The following LRRC4C variants were observed in gnomAD, a reference collection of about 807,000 sequenced individuals.
LRRC4C encodes leucine-rich repeat-containing protein 4C.
Under a neutral mutation model 33.6 loss-of-function variants are expected in LRRC4C, and 5 were observed. That is an observed-to-expected ratio of 0.15 (90% CI 0.08 to 0.31). The LOEUF (loss-of-function observed/expected upper bound fraction) is 0.31, where lower values mean the gene tolerates loss of function less well. Among genes scored for constraint, LRRC4C ranks in the 10% least tolerant of loss-of-function variants. LRRC4C has a pLI of 1.00. For synonymous variants in LRRC4C, 329 were observed against 302.0 expected (o/e 1.09, Z -0.93); for missense variants, 560 against 796.7 (o/e 0.70, Z 3.58).
chr11:40,200,914 G>A (rs564459749), intron 5 of LRRC4C, among the ~76,000 whole-genome samples: 6 of 152,146 alleles, frequency 3.9e-5, no homozygotes, highest in South Asian at 2.1e-4. Flanking sequence ...ACTCCTAAGC[G>A]TCACATCTTT....
At chr11:40,736,004 T>C (rs1488946272) in intron 2 of LRRC4C, among the ~76,000 whole-genome samples, 1 of 138,650 alleles carries the variant, frequency 7.2e-6, no homozygotes, top group Non-Finnish European at 1.6e-5. Flanking sequence ...ATTGATGGGG[T>C]TGTTTTTTTC....
At chr11:40,476,191 G>A (rs1953210959) in intron 3 of LRRC4C, among the ~76,000 whole-genome samples, 2 of 152,068 alleles carry the variant, frequency 1.3e-5, no homozygotes, top group South Asian at 4.1e-4. Flanking sequence ...GTGTGCATGT[G>A]TGGGTGTACA....
intron 3 of LRRC4C, among the ~76,000 whole-genome samples, chr11:40,350,281 T>C (rs192192075): frequency 1.1e-4 from 16 of 152,224 alleles, no homozygotes; most frequent in Admixed American, 9.8e-4. Flanking sequence ...TGCTGAGATA[T>C]AGGGGTCTAG....
chr11:40,648,599 G>A (rs1323815830), intron 2 of LRRC4C, among the ~76,000 whole-genome samples: 8 of 152,268 alleles, frequency 5.3e-5, no homozygotes, highest in Admixed American at 6.5e-5. Context: ...TACTTCATGA[G>A]GTAAGAAGGT....
At chr11:40,816,037 C>T (rs185167287) in intron 2 of LRRC4C, among the ~76,000 whole-genome samples, 26 of 152,250 alleles carry the variant, frequency 1.7e-4, no homozygotes, top group Non-Finnish European at 3.1e-4. Context: ...TTTGTCCTAC[C>T]ACTATTAAGA....
At chr11:40,764,353 G>A (rs942772174) in intron 2 of LRRC4C, among the ~76,000 whole-genome samples, 19 of 151,936 alleles carry the variant, frequency 1.3e-4, no homozygotes, top group African/African-American at 4.6e-4. Context: ...TAGGGTAGTG[G>A]TGTCCACAGG....
intron 1 of LRRC4C, among the ~76,000 whole-genome samples, chr11:41,316,111 C>T (rs1950778093): frequency 6.6e-6 from 1 of 151,886 alleles, no homozygotes; most frequent in Non-Finnish European, 1.5e-5. Context: ...TCCCTGGAAA[C>T]AGTAATTAGC....
At chr11:40,588,154 T>G (rs1415427949) in intron 3 of LRRC4C, among the ~76,000 whole-genome samples, 11 of 151,052 alleles carry the variant, frequency 7.3e-5, no homozygotes, top group South Asian at 4.2e-4. Context: ...CAATTTCAGA[T>G]CCTGTTATTG....
chr11:40,843,263 T>G (rs1465155800), intron 2 of LRRC4C, among the ~76,000 whole-genome samples: 2 of 152,146 alleles, frequency 1.3e-5, no homozygotes, highest in Non-Finnish European at 2.9e-5. Context: ...GGACTTACTC[T>G]CAGTCCTTTA....
intron 1 of LRRC4C, among the ~76,000 whole-genome samples, chr11:41,455,806 G>A (rs775146917): frequency 4.6e-5 from 7 of 152,064 alleles, no homozygotes; most frequent in Non-Finnish European, 1.0e-4. Context: ...AGAAATCAAG[G>A]TTCCAAGACT....
intron 1 of LRRC4C, among the ~76,000 whole-genome samples, chr11:41,262,106 T>C (rs1949001069): frequency 6.6e-6 from 1 of 152,098 alleles, no homozygotes; most frequent in Admixed American, 6.6e-5. Context: ...GGAACTCTTA[T>C]TTTTATAACA....
At chr11:40,717,709 T>C (rs1036157398) in intron 2 of LRRC4C, among the ~76,000 whole-genome samples, 4 of 152,140 alleles carry the variant, frequency 2.6e-5, no homozygotes, top group Non-Finnish European at 4.4e-5. Flanking sequence ...ATTATTATTA[T>C]ACTATTATTG....
intron 3 of LRRC4C, among the ~76,000 whole-genome samples, chr11:40,590,616 C>G (rs1248330238): frequency 6.6e-6 from 1 of 151,908 alleles, no homozygotes; most frequent in Non-Finnish European, 1.5e-5. Flanking sequence ...GTTTTATCTA[C>G]TTTTGGTCTT....
At chr11:41,133,132 C>T (rs1399794173) in intron 1 of LRRC4C, among the ~76,000 whole-genome samples, 3 of 152,080 alleles carry the variant, frequency 2.0e-5, no homozygotes. Context: ...TAAACACACA[C>T]AAGAGCAAAG....
chr11:41,451,592 A>T (rs1429057549), intron 1 of LRRC4C, among the ~76,000 whole-genome samples: 1 of 152,158 alleles, frequency 6.6e-6, no homozygotes, highest in African/African-American at 2.4e-5. Flanking sequence ...CAGGTCAAGG[A>T]TAAAGAAAGG....
intron 1 of LRRC4C, among the ~76,000 whole-genome samples, chr11:41,034,629 ATATATAT>A: frequency 7.1e-6 from 1 of 141,780 alleles, no homozygotes. Context: ...ATATATATAT[ATATATAT>A]ATGAGGTGAG....
intron 2 of LRRC4C, among the ~76,000 whole-genome samples, chr11:40,653,831 C>A (rs1942946864): frequency 2.0e-5 from 3 of 152,162 alleles, no homozygotes; most frequent in Non-Finnish European, 4.4e-5. Context: ...CATCACAGGC[C>A]AAGAAGCCTA....
At chr11:41,399,666 A>T (rs917070452) in intron 1 of LRRC4C, among the ~76,000 whole-genome samples, 2 of 151,990 alleles carry the variant, frequency 1.3e-5, no homozygotes, top group African/African-American at 4.8e-5. Flanking sequence ...AAGAGAACAT[A>T]AAACTTTAAT....
chr11:40,402,798 A>G (rs942863104), intron 3 of LRRC4C, among the ~76,000 whole-genome samples: 1 of 152,120 alleles, frequency 6.6e-6, no homozygotes, highest in Non-Finnish European at 1.5e-5. Context: ...ATCCTCATGA[A>G]ATCCTTAGAA....
Sources: allele counts gnomAD v4.1 joint callset (sites outside exome capture counted in the v4.1 genomes callset), GRCh38; gene constraint gnomAD v4.1.1; transcripts MANE v1.5; gene names NCBI Gene and HGNC (gene_info 2026-07-23, HGNC 2026-07-21).